TENM3: variants seen among roughly 807,000 people sequenced by gnomAD.
TENM3 encodes the protein teneurin-3.
Under a neutral mutation model 255.1 loss-of-function variants are expected in TENM3, and 63 were observed. The ratio of observed to expected loss-of-function variants is 0.25; its 90% confidence interval spans 0.20 to 0.30. TENM3 has a LOEUF of 0.30. TENM3 is among the 10% of genes least tolerant of loss of function. The pLI is 1.00. For missense variants in TENM3, 2,929 were observed against 3,461.1 expected (o/e 0.85, Z 3.86); for synonymous variants, 1,306 against 1,322.3 (o/e 0.99, Z 0.27).
the TENM3 span, chr4:181,874,681 C>A: frequency 7.9e-5 from 12 of 152,374 alleles, no homozygotes; most frequent in African/African-American, 2.7e-4. Flanking sequence ...AGAGACTCCA[C>A]ACAGACTTCT....
intron 4 of TENM3, among the ~76,000 whole-genome samples, chr4:182,611,186 T>A (rs554914026): frequency 1.9e-4 from 29 of 152,156 alleles, no homozygotes; most frequent in African/African-American, 6.3e-4. Flanking sequence ...TCCAAAAAAT[T>A]TTTTATTACA....
At chr4:181,581,820 C>T in the TENM3 span, among the ~76,000 whole-genome samples, 2 of 151,802 alleles carry the variant, frequency 1.3e-5, no homozygotes, top group Non-Finnish European at 2.9e-5. Flanking sequence ...GCAACCTCCG[C>T]CTCCTGGAGT....
intron 1 of TENM3, among the ~76,000 whole-genome samples, chr4:182,232,244 C>T (rs993207598): frequency 2.6e-5 from 4 of 152,168 alleles, no homozygotes; most frequent in African/African-American, 7.2e-5. Flanking sequence ...TCTCACTTGG[C>T]CACCGTGTTG....
chr4:182,749,124 A>G (rs1381974976), intron 19 of TENM3, among the ~76,000 whole-genome samples: 1 of 151,664 alleles, frequency 6.6e-6, no homozygotes, highest in Non-Finnish European at 1.5e-5. Flanking sequence ...TGCCACCTCA[A>G]TAATCTGTTT....
intron 1 of TENM3, among the ~76,000 whole-genome samples, chr4:182,231,999 C>T (rs1478399971): frequency 2.0e-5 from 3 of 152,226 alleles, no homozygotes; most frequent in Non-Finnish European, 2.9e-5. Flanking sequence ...AATCATTTGC[C>T]TAAACTTCCT....
At chr4:181,606,458 T>G in the TENM3 span, among the ~76,000 whole-genome samples, 8,409 of 152,244 alleles carry the variant, frequency 0.055, 332 homozygotes, top group South Asian at 0.12. Flanking sequence ...TAGACAATGC[T>G]TGGTTCTCAG....
At chr4:181,575,270 A>T in the TENM3 span, among the ~76,000 whole-genome samples, 1 of 152,132 alleles carries the variant, frequency 6.6e-6, no homozygotes, top group Admixed American at 6.5e-5. Flanking sequence ...TAGTTTATTA[A>T]TTACACTTTC....
the TENM3 span, among the ~76,000 whole-genome samples, chr4:181,550,983 G>A: frequency 2.6e-5 from 4 of 152,100 alleles, no homozygotes; most frequent in African/African-American, 9.7e-5. Context: ...GATGATTAGT[G>A]CTATTAAATA....
chr4:181,715,128 C>T, the TENM3 span, among the ~76,000 whole-genome samples: 1 of 152,202 alleles, frequency 6.6e-6, no homozygotes, highest in Non-Finnish European at 1.5e-5. Flanking sequence ...TAATCCCACA[C>T]TTTGAGAACC....
chr4:181,902,761 T>C, the TENM3 span, among the ~76,000 whole-genome samples: 1 of 151,280 alleles, frequency 6.6e-6, no homozygotes, highest in African/African-American at 2.4e-5. Context: ...CCAGGGCCTG[T>C]CAGGGGGTGG....
chr4:182,679,158 T>G (rs1755902975), intron 7 of TENM3, among the ~76,000 whole-genome samples: 1 of 151,956 alleles, frequency 6.6e-6, no homozygotes. Context: ...TGTATACCTA[T>G]GTAACAAACC....
intron 1 of TENM3, among the ~76,000 whole-genome samples, chr4:182,219,692 A>G (rs547186769): frequency 6.6e-6 from 1 of 152,190 alleles, no homozygotes; most frequent in Non-Finnish European, 1.5e-5. Context: ...AGAAAGGAAA[A>G]GAAAACACAT....
chr4:181,669,481 T>C, the TENM3 span, among the ~76,000 whole-genome samples: 3 of 152,120 alleles, frequency 2.0e-5, 1 homozygote, highest in Admixed American at 2.0e-4. Context: ...TCATACAGCT[T>C]ATGTGGGGCA....
intron 1 of TENM3, among the ~76,000 whole-genome samples, chr4:182,166,200 C>T (rs1389334202): frequency 6.6e-6 from 1 of 152,200 alleles, no homozygotes; most frequent in Non-Finnish European, 1.5e-5. Flanking sequence ...TCAGAGACAT[C>T]GTCAAAGAGC....
chr4:182,397,715 G>A (rs71620929), intron 3 of TENM3, among the ~76,000 whole-genome samples: 8,791 of 152,200 alleles, frequency 0.058, 271 homozygotes, highest in Non-Finnish European at 0.069. Flanking sequence ...AACCTTCGGT[G>A]AGCACGGAAT....
chr4:181,960,663 A>C, the TENM3 span, among the ~76,000 whole-genome samples: 1 of 152,208 alleles, frequency 6.6e-6, no homozygotes, highest in Non-Finnish European at 1.5e-5. Context: ...CTGCTAAAAC[A>C]ATGGAGAAAT....
At chr4:182,272,312 C>T (rs1759696507) in intron 1 of TENM3, among the ~76,000 whole-genome samples, 3 of 152,172 alleles carry the variant, frequency 2.0e-5, no homozygotes, top group Admixed American at 2.0e-4. Flanking sequence ...AAATATTTCC[C>T]ACATTCCTCT....
chr4:181,821,349 A>C, the TENM3 span, among the ~76,000 whole-genome samples: 1 of 152,144 alleles, frequency 6.6e-6, no homozygotes, highest in African/African-American at 2.4e-5. Flanking sequence ...TCCCCCTTTG[A>C]ATCCCCTTTG....
At chr4:181,631,054 C>T in the TENM3 span, among the ~76,000 whole-genome samples, 1 of 152,094 alleles carries the variant, frequency 6.6e-6, no homozygotes, top group Non-Finnish European at 1.5e-5. Flanking sequence ...AAAGAGTTAG[C>T]CAGCTGTGTC....
Sources: gnomAD v4.1 joint callset for allele counts (sites outside exome capture counted in the v4.1 genomes callset) on GRCh38, gnomAD v4.1.1 for gene constraint, MANE v1.5 for transcripts, NCBI Gene and HGNC (gene_info 2026-07-23, HGNC 2026-07-21) for gene names.